The following ARID1A variants were observed in gnomAD, a reference collection of about 807,000 sequenced individuals.
ARID1A encodes AT-rich interactive domain-containing protein 1A.
Under a neutral mutation model 212.6 loss-of-function variants are expected in ARID1A, and 20 were observed. That is an observed-to-expected ratio of 0.09 (90% CI 0.07 to 0.14). The LOEUF (loss-of-function observed/expected upper bound fraction) is 0.14, where lower values mean the gene tolerates loss of function less well. Among genes scored for constraint, ARID1A ranks in the 10% least tolerant of loss-of-function variants. The pLI is 1.00. For missense variants in ARID1A, 2,587 were observed against 3,059.0 expected, an observed-to-expected ratio of 0.85 and a Z score of 3.64; for synonymous variants, 1,376 against 1,222.1, an observed-to-expected ratio of 1.13 and a Z score of -2.63.
chr1:26,772,790 C>A (rs199550164), intron 13 of ARID1A, 22 bp from the exon 14 acceptor site: 1 of 1,609,666 alleles, frequency 6.2e-7, no homozygotes, highest in South Asian at 1.1e-5. Flanking sequence ...TTGTGGTTTA[C>A]TTGGTTTTCC....
chr1:26,775,303 G>A (rs1011847143), intron 18 of ARID1A, 83 bp downstream of exon 18: 45 of 1,495,764 alleles, frequency 3.0e-5, no homozygotes, highest in Non-Finnish European at 3.7e-5. Flanking sequence ...TATTCTGGAT[G>A]AGGTTGAATC....
intron 19 of ARID1A, 101 bp downstream of exon 19, chr1:26,775,808 C>T (rs751666572): frequency 2.6e-6 from 4 of 1,547,332 alleles, no homozygotes; most frequent in Non-Finnish European, 3.5e-6. Context: ...TTCTCTTTCT[C>T]TCTTGTAGAT....
chr1:26,774,062 C>T lies in ARID1A; in HGVS notation c.4101+164C>T. 1 of 1,089,050 alleles carries T rather than the reference C, an allele frequency of 9.2e-7. No homozygotes were observed. Among genetic ancestry groups the T allele is most frequent in the Non-Finnish European group, 1.3e-6 (1 of 767,680 alleles). The allele number at this position is 1,089,050 out of a possible 1,614,324, so 67.5% of individuals were successfully genotyped here. A position where few individuals can be genotyped will look rare whatever the true frequency, so the allele number is the denominator to read the frequency against. On this transcript the variant is annotated intron_variant, in intron 17 of 19. Coordinates refer to ENST00000324856, the MANE Select transcript of ARID1A (RefSeq NM_006015.6). This position sits in a 1 kb window ranked among gnomAD's most constrained non-coding sequence, Gnocchi z 5.6. ...GCCTGAAGAGCCACGTCCTCAATCT[C>T]TTCTCTATTTGGAGTTGGAAGGGGC... is the stretch of plus-strand genomic sequence containing the variant.
At chr1:26,728,321 G>T (rs985212144) in intron 1 of ARID1A, among the ~76,000 whole-genome samples, 1 of 152,096 alleles carries the variant, frequency 6.6e-6, no homozygotes, top group Non-Finnish European at 1.5e-5. Context: ...TTTCATGAAA[G>T]CTCTACTTCC....
chr1:26,746,969 G>A (rs1490327104), intron 4 of ARID1A, among the ~76,000 whole-genome samples: 1 of 152,130 alleles, frequency 6.6e-6, no homozygotes, highest in African/African-American at 2.4e-5. Flanking sequence ...TTGAACCCGG[G>A]AGGCAGAGGT....
chr1:26,731,403 C>T lies in ARID1A; in HGVS notation c.1602C>T (p.Tyr534=), dbSNP rs781090386. 6.2e-7 allele frequency: 1 copy of T among 1,613,914 alleles called. No individual in the cohort carries two copies. Among genetic ancestry groups the T allele is most frequent in the South Asian group, 1.1e-5 (1 of 91,064 alleles). ...CACATCAGCAGTCCCCGGCTCCATA[C>T]CCCTCCCAGCAGTCGACGACACAGC... ...QPPHQQSPAP[Y]PSQQSTTQQH... The change falls in exon 3 of 20, where the codon TAC becomes TAT. Residue 534 remains tyrosine (Y), a synonymous_variant. Coordinates refer to ENST00000324856, the MANE Select transcript of ARID1A (RefSeq NM_006015.6).
Position 26,773,492 on chromosome 1 carries a change from G to C in ARID1A, c.3862G>C (p.Val1288Leu), listed in dbSNP as rs1253424763. 6.2e-7 allele frequency: 1 copy of C among 1,612,618 alleles called. No homozygotes were observed. Among genetic ancestry groups the C allele is most frequent in the Non-Finnish European group, 8.5e-7 (1 of 1,179,150 alleles). Residue 1288 changes from valine to leucine, a missense_variant, in exon 15 of 20, where the codon GTG (valine) becomes CTG (leucine). Val to Leu is a conservative substitution (Grantham distance 32). Around this residue, in one of 11 missense-constraint regions of ARID1A, gnomAD observed 890 missense variants for 1,098.2 expected, o/e 0.81. Coordinates refer to ENST00000324856, the MANE Select transcript of ARID1A (RefSeq NM_006015.6). ...HYPYGGPYDRVRTEPGIGPEG... is the reference protein window; with the variant it reads ...HYPYGGPYDRLRTEPGIGPEG... ...TCCCTATGGAGGTCCTTATGACAGA[G>C]TGAGGTAAGCATGACCCCAGCTCCT...
Position 26,781,558 on chromosome 1 carries a change from A to C in ARID1A, c.*802A>C, listed in dbSNP as rs1570624550. On this transcript the variant is annotated 3_prime_UTR_variant, in exon 20 of 20. Coordinates refer to ENST00000324856, the MANE Select transcript of ARID1A (RefSeq NM_006015.6). The stretch of plus-strand genomic sequence containing the variant: ...TGATTGTATGAATAACCCTGAGATC[A>C]CCTCTTAGAACTGGTTTTAACCTTT... The C allele has an allele frequency of 4.3e-6, 1 of 233,268 alleles. No individual in the cohort carries two copies. The allele number at this position is 233,268 out of a possible 1,614,324, so 14.4% of individuals were successfully genotyped here.
intron 1 of ARID1A, among the ~76,000 whole-genome samples, chr1:26,710,527 A>ACACACACACC (rs915474721): frequency 1.4e-4 from 21 of 150,496 alleles, no homozygotes; most frequent in East Asian, 1.2e-3. Flanking sequence ...ACACACACAC[A>ACACACACACC]CCACTTGTTG....
rs2080989438 is a variant in ARID1A at position 26,761,255 on chromosome 1, A to ATC, written c.2162-125_2162-124dup. On this transcript the variant is annotated intron_variant, in intron 5 of 19. Coordinates refer to ENST00000324856, the MANE Select transcript of ARID1A (RefSeq NM_006015.6). ...AAGGAGATTGGAACCTGTTGGCTGG[A>ATC]TCTCTTTGTGTGTGATACTGGGAGG... is the stretch of plus-strand genomic sequence containing the variant. The ATC allele has an allele frequency of 5.5e-6, 8 of 1,452,598 alleles. No homozygotes were observed. The Admixed American group carries it at 1.1e-4, about 19-fold the overall frequency. The allele number at this position is 1,452,598 out of a possible 1,614,324, so 90.0% of individuals were successfully genotyped here.
chr1:26,761,186 C>T (rs2124058108), intron 5 of ARID1A, 90 bp downstream of exon 5: 1 of 1,539,900 alleles, frequency 6.5e-7, no homozygotes, highest in Non-Finnish European at 8.8e-7. Context: ...GCAGAGAAAG[C>T]ATCTCTGGCT....
intron 1 of ARID1A, among the ~76,000 whole-genome samples, chr1:26,721,319 C>T (rs143764208): frequency 6.6e-6 from 1 of 152,180 alleles, no homozygotes; most frequent in Non-Finnish European, 1.5e-5. Context: ...TCAAGTGATT[C>T]TCCTGCCTCA....
intron 8 of ARID1A, chr1:26,764,898 T>G (rs2081024382): frequency 6.6e-6 from 1 of 152,174 alleles, no homozygotes; most frequent in Non-Finnish European, 1.5e-5. Context: ...TTACACCCTT[T>G]GAAATTGAGC....
intron 3 of ARID1A, 29 bp downstream of exon 3, chr1:26,731,633 C>T: frequency 4.4e-6 from 7 of 1,603,006 alleles, no homozygotes; most frequent in Non-Finnish European, 6.0e-6. Context: ...CTGCCCTTCC[C>T]TGTGTGTGAC....
chr1:26,750,266 C>T (rs1207590647), intron 4 of ARID1A, among the ~76,000 whole-genome samples: 1 of 152,192 alleles, frequency 6.6e-6, no homozygotes, highest in Non-Finnish European at 1.5e-5. Flanking sequence ...GCTTCTGATT[C>T]CTCACTGCCT....
chr1:26,725,466 A>G (rs1261206017), intron 1 of ARID1A, among the ~76,000 whole-genome samples: 1 of 152,170 alleles, frequency 6.6e-6, no homozygotes, highest in Non-Finnish European at 1.5e-5. Context: ...GCAGATGTCT[A>G]ACTTTTACAT....
chr1:26,714,467 GT>G (rs879835221), intron 1 of ARID1A, among the ~76,000 whole-genome samples: 33 of 152,240 alleles, frequency 2.2e-4, no homozygotes, highest in Non-Finnish European at 3.5e-4. Flanking sequence ...AGGCTGGAGT[GT>G]AGTGGCGCAA....
chr1:26,725,411 C>T (rs1457099730), intron 1 of ARID1A, among the ~76,000 whole-genome samples: 1 of 152,152 alleles, frequency 6.6e-6, no homozygotes. Context: ...TTTTAAATGT[C>T]ATAAGTGTGA....
intron 4 of ARID1A, among the ~76,000 whole-genome samples, chr1:26,757,298 T>C (rs1230482391): frequency 1.4e-5 from 2 of 143,486 alleles, no homozygotes. Flanking sequence ...AAACCCCGTC[T>C]CTACTAAAAA....
Sources: gnomAD v4.1 joint callset for allele counts (sites outside exome capture counted in the v4.1 genomes callset) on GRCh38, gnomAD v4.1.1 for gene constraint, gnomAD v4.1.1 regional missense constraint, Gnocchi (gnomAD v3.1) non-coding constraint, MANE v1.5 for transcripts, NCBI Gene and HGNC (gene_info 2026-07-23, HGNC 2026-07-21) for gene names.